The following SIK3 variants were observed in gnomAD, a reference collection of about 807,000 sequenced individuals.
The protein encoded by SIK3 is serine/threonine-protein kinase SIK3.
Under a neutral mutation model 144.2 loss-of-function variants are expected in SIK3, and 28 were observed. The observed-to-expected ratio is 0.19, with a 90% confidence interval of 0.14 to 0.27. SIK3 has a LOEUF of 0.27. SIK3 is among the 10% of genes least tolerant of loss of function. The pLI is 1.00. For synonymous variants in SIK3, 686 were observed against 676.3 expected, an observed-to-expected ratio of 1.01 and a Z score of -0.22; for missense variants, 1,319 against 1,776.0, an observed-to-expected ratio of 0.74 and a Z score of 4.62.
chr11:117,005,953 C>A (rs1951031138), intron 1 of SIK3, among the ~76,000 whole-genome samples: 1 of 151,944 alleles, frequency 6.6e-6, no homozygotes, highest in Non-Finnish European at 1.5e-5. Context: ...GGAGAATGAC[C>A]AAGAATACAG....
intron 1 of SIK3, among the ~76,000 whole-genome samples, chr11:117,067,325 A>G (rs368789122): frequency 3.9e-5 from 6 of 152,364 alleles, no homozygotes; most frequent in African/African-American, 1.4e-4. Context: ...TTACATCCAT[A>G]CAATGTAACA....
intron 19 of SIK3, among the ~76,000 whole-genome samples, chr11:116,859,831 A>C (rs528701609): frequency 6.6e-6 from 1 of 151,874 alleles, no homozygotes; most frequent in African/African-American, 2.4e-5. Context: ...TGGGCCCCTA[A>C]GAATTTGTGT....
At chr11:116,935,304 T>C (rs1004048560) in intron 3 of SIK3, among the ~76,000 whole-genome samples, 6 of 151,346 alleles carry the variant, frequency 4.0e-5, no homozygotes, top group African/African-American at 4.8e-5. Flanking sequence ...TTAATACTTA[T>C]TAATTTATTA....
chr11:117,027,116 T>C (rs533465273), intron 1 of SIK3, among the ~76,000 whole-genome samples: 3 of 152,212 alleles, frequency 2.0e-5, no homozygotes, highest in African/African-American at 4.8e-5. Flanking sequence ...GGTAGGAACA[T>C]ACAGTCATCC....
chr11:117,038,687 TCCTTTTA>T (rs1347554506), intron 1 of SIK3, among the ~76,000 whole-genome samples: 3 of 149,832 alleles, frequency 2.0e-5, no homozygotes, highest in African/African-American at 7.4e-5. Context: ...GACTCTCCTC[TCCTTTTA>T]CCTTTGTTAA....
At chr11:116,929,342 G>A (rs1293878583) in intron 3 of SIK3, among the ~76,000 whole-genome samples, 1 of 152,130 alleles carries the variant, frequency 6.6e-6, no homozygotes, top group Non-Finnish European at 1.5e-5. Context: ...AGCTCATTTG[G>A]CCAAGCTACC....
chr11:117,059,533 A>G lies in SIK3; in HGVS notation c.273+38610T>C, dbSNP rs1953702864. On this transcript the variant is annotated intron_variant, in intron 1 of 24. Transcript: ENST00000445177. ...GATTATTTGTCACAACCAGACAGCA[A>G]GCAACATATTTAATGGTAAAAAACT... Among the ~76,000 whole-genome samples, 3 of 152,226 alleles carry G rather than the reference A, an allele frequency of 2.0e-5. No individual in the cohort carries two copies. In the South Asian group the frequency reaches 6.2e-4, roughly 32 times the overall value.
At chr11:117,042,469 A>G (rs537621521) in intron 1 of SIK3, among the ~76,000 whole-genome samples, 28 of 152,360 alleles carry the variant, frequency 1.8e-4, no homozygotes, top group Admixed American at 5.2e-4. Context: ...GGAACAGTAC[A>G]GGACTTTGCC....
intron 1 of SIK3, among the ~76,000 whole-genome samples, chr11:117,091,063 T>C (rs1257621401): frequency 6.6e-6 from 1 of 152,132 alleles, no homozygotes; most frequent in African/African-American, 2.4e-5. Flanking sequence ...GATAACTGGA[T>C]TCTAACTCCA....
intron 6 of SIK3, 140 bp downstream of exon 6, chr11:116,896,113 T>C: frequency 8.6e-7 from 1 of 1,162,658 alleles, no homozygotes. Context: ...CCTTGCCTCC[T>C]GGAGGCATCA....
intron 1 of SIK3, among the ~76,000 whole-genome samples, chr11:117,041,634 C>T (rs1317567103): frequency 6.6e-6 from 1 of 152,112 alleles, no homozygotes; most frequent in Non-Finnish European, 1.5e-5. Context: ...GTTCTATAAT[C>T]ATTTTTCAGA....
chr11:116,846,557 C>T lies in SIK3; in HGVS notation c.3953-4G>A. 1 of 1,613,932 alleles carries T rather than the reference C, an allele frequency of 6.2e-7. No individual in the cohort carries two copies. The highest frequency in any genetic ancestry group is 1.3e-5 in the African/African-American group (1 of 75,018). Reference sequence around the variant, plus strand: ...CCTCCCAGGCTTGCCCCACATTCTGCAAGACCAAAAAGAACGTATGAGGTT... The same window carrying T: ...CCTCCCAGGCTTGCCCCACATTCTGTAAGACCAAAAAGAACGTATGAGGTT... On this transcript the variant is annotated splice_polypyrimidine_tract_variant and splice_region_variant and intron_variant, in intron 23 of 24. Transcript: ENST00000445177. The surrounding 1 kb of genome is among the most constrained non-coding windows in gnomAD (Gnocchi z 4.1).
intron 1 of SIK3, among the ~76,000 whole-genome samples, chr11:117,050,559 G>A (rs1022101772): frequency 5.3e-5 from 8 of 150,120 alleles, no homozygotes; most frequent in African/African-American, 1.2e-4. Flanking sequence ...GGTGGCACAC[G>A]CCTGTAATCC....
At chr11:116,967,676 G>A (rs930186801) in intron 1 of SIK3, among the ~76,000 whole-genome samples, 1 of 152,164 alleles carries the variant, frequency 6.6e-6, no homozygotes, top group Admixed American at 6.5e-5. Flanking sequence ...TCCTATTTCT[G>A]AAAGTCTCAC....
chr11:117,098,130 C>T lies in SIK3; in HGVS notation c.273+13G>A, dbSNP rs762825503. 4 of 1,473,454 alleles carry T rather than the reference C, an allele frequency of 2.7e-6. No individual in the cohort carries two copies. In the South Asian group the frequency reaches 4.9e-5, roughly 18 times the overall value. The allele number at this position is 1,473,454 out of a possible 1,614,324, so 91.3% of individuals were successfully genotyped here. A position where few individuals can be genotyped will look rare whatever the true frequency, so the allele number is the denominator to read the frequency against. ...GCCACGCTCCGACTGCCGCCTGGCC[C>T]CTGCGCCGGTACCTTGGCCTTGGTG... is the stretch of plus-strand genomic sequence containing the variant. On this transcript the variant is annotated intron_variant, in intron 1 of 24. Coordinates refer to ENST00000445177, the MANE Select transcript of SIK3 (RefSeq NM_001366686.3).
intron 5 of SIK3, among the ~76,000 whole-genome samples, chr11:116,896,648 T>C (rs1945416083): frequency 6.6e-6 from 1 of 152,240 alleles, no homozygotes; most frequent in South Asian, 2.1e-4. Flanking sequence ...CCATCCAAGC[T>C]GGCCCTTGGG....
At chr11:116,958,487 CT>C (rs1299012685) in intron 1 of SIK3, among the ~76,000 whole-genome samples, 1 of 152,074 alleles carries the variant, frequency 6.6e-6, no homozygotes, top group African/African-American at 2.4e-5. Context: ...ACAGCCTAAA[CT>C]TCAAGGAGAT....
intron 1 of SIK3, among the ~76,000 whole-genome samples, chr11:117,006,013 G>C (rs1430488889): frequency 6.6e-6 from 1 of 152,100 alleles, no homozygotes; most frequent in African/African-American, 2.4e-5. Flanking sequence ...GAAGGAAGGG[G>C]AACAGAAAGC....
intron 22 of SIK3, among the ~76,000 whole-genome samples, chr11:116,848,063 C>T (rs967399701): frequency 3.9e-5 from 6 of 152,126 alleles, no homozygotes; most frequent in African/African-American, 1.4e-4. Flanking sequence ...GCCTGTAATC[C>T]CAGCACTTTG....
Sources: allele counts gnomAD v4.1 joint callset (sites outside exome capture counted in the v4.1 genomes callset), GRCh38; gene constraint gnomAD v4.1.1; non-coding constraint Gnocchi (gnomAD v3.1); transcripts MANE v1.5; gene names NCBI Gene and HGNC (gene_info 2026-07-23, HGNC 2026-07-21).